The following PCDH15 variants were observed in gnomAD, a reference collection of about 807,000 sequenced individuals.
PCDH15 encodes the protein protocadherin related 15.
A neutral mutation model predicts 178.5 loss-of-function variants in PCDH15; 129 were observed. The ratio of observed to expected loss-of-function variants is 0.72; its 90% CI spans 0.63 to 0.84. The LOEUF is 0.84. PCDH15 is among the 40% of genes least tolerant of loss of function. The probability of loss-of-function intolerance (pLI) is 0.00; values close to 1 mark genes in which losing one functional copy is unlikely to be tolerated. For synonymous variants in PCDH15, 800 were observed against 732.0 expected (o/e 1.09, Z -1.50); for missense variants, 2,230 against 2,099.9 (o/e 1.06, Z -1.21).
At chr10:54,909,567 A>T (rs1954784536) in intron 2 of PCDH15, among the ~76,000 whole-genome samples, 4 of 152,206 alleles carry the variant, frequency 2.6e-5, no homozygotes, top group Admixed American at 1.3e-4. Context: ...GTGAGCAGTC[A>T]CTTCTGAGCC....
intron 8 of PCDH15, among the ~76,000 whole-genome samples, chr10:54,237,752 T>G (rs1053105255): frequency 6.6e-6 from 1 of 152,212 alleles, no homozygotes; most frequent in African/African-American, 2.4e-5. Context: ...TACTGACTAC[T>G]GTGATCATAA....
intron 2 of PCDH15, chr10:54,606,509 G>A (rs1445033087): frequency 6.6e-6 from 1 of 152,080 alleles, no homozygotes; most frequent in Non-Finnish European, 1.5e-5. Flanking sequence ...TCTCTAGTTT[G>A]TGTCCTTCTT....
rs113440019 is a variant in PCDH15, at chr10:54,469,030, T to A, written c.157+58782A>T. Reference sequence around the variant, plus strand: ...ATCCCTTTACATTCAATCTATATGTTTCTTTACAGGTGAGATGTGTTCCTT... The same window carrying A: ...ATCCCTTTACATTCAATCTATATGTATCTTTACAGGTGAGATGTGTTCCTT... On this transcript the variant is annotated intron_variant, in intron 3 of 37. Coordinates refer to ENST00000644397, the MANE Select transcript of PCDH15 (RefSeq NM_001384140.1). 3.3e-4 allele frequency among the ~76,000 whole-genome samples: 51 copies of A among 152,318 alleles called. 2 individuals are homozygous for A. The highest frequency in any genetic ancestry group is 1.2e-3 in the African/African-American group (48 of 41,570).
At chr10:54,217,097 A>G (rs903835914) in intron 9 of PCDH15, among the ~76,000 whole-genome samples, 5 of 152,194 alleles carry the variant, frequency 3.3e-5, no homozygotes, top group Non-Finnish European at 7.4e-5. Flanking sequence ...ATTGTTACTT[A>G]TGAGAAAGAG....
Position 54,332,790 on chromosome 10 carries a change from C to T in PCDH15, c.595-3084G>A, listed in dbSNP as rs551223666. ...TTTGTTGTTGACAGTTTTCATTGGA[C>T]GTTTGTAGAATTATTAAAAATAATA... On this transcript the variant is annotated intron_variant, in intron 6 of 37. Coordinates refer to ENST00000644397, the MANE Select transcript of PCDH15 (RefSeq NM_001384140.1). Among the ~76,000 whole-genome samples the T allele has an allele frequency of 2.7e-4, 41 of 151,904 alleles. No homozygotes were observed. In the East Asian group the frequency reaches 3.1e-3, roughly 11 times the overall value.
chr10:54,443,175 AT>A (rs905726884), intron 3 of PCDH15, among the ~76,000 whole-genome samples: 4 of 151,370 alleles, frequency 2.6e-5, no homozygotes, highest in Admixed American at 6.6e-5. Flanking sequence ...AATAGCAGCA[AT>A]TTTTTTTCCT....
At chr10:55,423,939 A>G (rs1838686331) in intron 2 of PCDH15, among the ~76,000 whole-genome samples, 1 of 152,078 alleles carries the variant, frequency 6.6e-6, no homozygotes. Flanking sequence ...CTTTGTTTTC[A>G]GTTTTAAAAG....
chr10:54,793,199 G>A (rs56054291), intron 1 of PCDH15, among the ~76,000 whole-genome samples: 15,976 of 151,888 alleles, frequency 0.11, 1,111 homozygotes, highest in Non-Finnish European at 0.16. Flanking sequence ...TTAGCACTGC[G>A]CTTTATCCCC....
intron 2 of PCDH15, among the ~76,000 whole-genome samples, chr10:55,070,393 A>T (rs1478030757): frequency 6.6e-6 from 1 of 151,600 alleles, no homozygotes; most frequent in African/African-American, 2.4e-5. Context: ...GTTTTCTTCT[A>T]GGGTTTTTAT....
At chr10:54,438,351 G>T (rs1022561886) in intron 3 of PCDH15, among the ~76,000 whole-genome samples, 1 of 150,418 alleles carries the variant, frequency 6.6e-6, no homozygotes, top group African/African-American at 2.5e-5. Context: ...TTCTGTCGGG[G>T]AGTGAATTTG....
intron 2 of PCDH15, among the ~76,000 whole-genome samples, chr10:54,963,317 T>C (rs117861214): frequency 1.4e-5 from 2 of 144,080 alleles, no homozygotes; most frequent in Admixed American, 1.4e-4. Flanking sequence ...GAATATCTGC[T>C]TAACTGACAT....
At chr10:54,895,089 A>C (rs1731051003) in intron 3 of PCDH15, among the ~76,000 whole-genome samples, 1 of 152,200 alleles carries the variant, frequency 6.6e-6, no homozygotes, top group Admixed American at 6.5e-5. Context: ...GGACACACAT[A>C]AAAATAGATA....
At chr10:55,144,290 G>C (rs1052054692) in intron 2 of PCDH15, among the ~76,000 whole-genome samples, 1 of 151,540 alleles carries the variant, frequency 6.6e-6, no homozygotes, top group Non-Finnish European at 1.5e-5. Context: ...AATCCACTGT[G>C]ACATACATTA....
chr10:53,930,060 CATT>C (rs959034543), intron 25 of PCDH15, among the ~76,000 whole-genome samples: 4 of 152,162 alleles, frequency 2.6e-5, no homozygotes, highest in Admixed American at 2.0e-4. Flanking sequence ...GACCAAGTAA[CATT>C]ATATCCTAAA....
At chr10:53,823,473 AAAC>A in intron 32 of PCDH15, 1 of 973,774 alleles carries the variant, frequency 1.0e-6, no homozygotes, top group Non-Finnish European at 1.7e-6. Context: ...ATCAAAGGCC[AAAC>A]AACACTAACC....
chr10:55,365,874 T>A (rs1158615600), intron 2 of PCDH15, among the ~76,000 whole-genome samples: 1 of 152,098 alleles, frequency 6.6e-6, no homozygotes, highest in East Asian at 1.9e-4. Context: ...GATAGATTCA[T>A]GAGAAACTCA....
chr10:54,006,455 A>G (rs1017749826), intron 20 of PCDH15, among the ~76,000 whole-genome samples: 3 of 152,180 alleles, frequency 2.0e-5, no homozygotes, highest in African/African-American at 7.2e-5. Flanking sequence ...CCACCTCCAG[A>G]CAATACCTCT....
chr10:54,099,746 A>C (rs1475703988), intron 15 of PCDH15, among the ~76,000 whole-genome samples: 1 of 151,856 alleles, frequency 6.6e-6, no homozygotes, highest in Non-Finnish European at 1.5e-5. Flanking sequence ...AATGAGAAAT[A>C]ATATAAAACT....
chr10:54,106,439 A>G (rs1000813244), intron 15 of PCDH15, among the ~76,000 whole-genome samples: 2 of 152,206 alleles, frequency 1.3e-5, no homozygotes, highest in Admixed American at 1.3e-4. Flanking sequence ...AGAAACACAG[A>G]AAGTGTCAGG....
Sources: allele counts gnomAD v4.1 joint callset (sites outside exome capture counted in the v4.1 genomes callset), GRCh38; gene constraint gnomAD v4.1.1; transcripts MANE v1.5; gene names NCBI Gene and HGNC (gene_info 2026-07-23, HGNC 2026-07-21).